Variants in ENPP2 observed in about 807,000 individuals in gnomAD.
The protein encoded by ENPP2 is autotaxin.
ENPP2 carries 51 observed loss-of-function variants against 120.2 expected under a neutral mutation model. The ratio of observed to expected loss-of-function variants is 0.42; its 90% CI spans 0.34 to 0.54. ENPP2 has a LOEUF of 0.54. Among genes scored for constraint, ENPP2 ranks in the 20% least tolerant of loss-of-function variants. ENPP2 has a pLI of 0.04. For missense variants in ENPP2, 920 were observed against 1,066.5 expected (o/e 0.86, Z 1.91); for synonymous variants, 365 against 366.4 (o/e 1.00, Z 0.04).
chr8:119,572,105 C>T (rs1815046878), intron 19 of ENPP2: 5 of 849,182 alleles, frequency 5.9e-6, no homozygotes, highest in Non-Finnish European at 9.5e-6. Flanking sequence ...AATAAAACAC[C>T]AGCAAATCGT....
At chr8:119,599,812 C>G (rs368443924) in intron 11 of ENPP2, among the ~76,000 whole-genome samples, 1 of 152,096 alleles carries the variant, frequency 6.6e-6, no homozygotes, top group East Asian at 1.9e-4. Flanking sequence ...TAGAGACCAG[C>G]CTGGCACAAC....
intron 1 of ENPP2, among the ~76,000 whole-genome samples, chr8:119,665,702 C>T (rs1445769813): frequency 6.6e-6 from 1 of 152,114 alleles, no homozygotes; most frequent in Non-Finnish European, 1.5e-5. Context: ...AGTATATACA[C>T]ATATGTAAAA....
Position 119,561,863 on chromosome 8 carries a change from G to A in ENPP2, c.2421+994C>T, listed in dbSNP as rs1404906279. On this transcript the variant is annotated intron_variant, in intron 24 of 24. Coordinates refer to ENST00000075322, the MANE Select transcript of ENPP2 (RefSeq NM_001040092.3). The stretch of plus-strand genomic sequence containing the variant: ...TGTATTAAAAAGTTTTCATGGCTGG[G>A]TGCAGTGGCTCACGCCTGTAATCCC... Among the ~76,000 whole-genome samples the A allele has an allele frequency of 3.3e-5, 5 of 152,132 alleles. No homozygotes were observed. In the South Asian group the frequency reaches 1.0e-3, roughly 32 times the overall value.
intron 19 of ENPP2, among the ~76,000 whole-genome samples, chr8:119,573,542 G>C (rs1489854343): frequency 3.9e-5 from 6 of 152,032 alleles, no homozygotes; most frequent in Non-Finnish European, 7.4e-5. Context: ...GCCAGGCATA[G>C]TGGCTCACGC....
At chr8:119,624,799 CAG>C (rs1463551063) in intron 3 of ENPP2, among the ~76,000 whole-genome samples, 1 of 152,162 alleles carries the variant, frequency 6.6e-6, no homozygotes, top group African/African-American at 2.4e-5. Flanking sequence ...CACACACACA[CAG>C]AGTTATCAAA....
chr8:119,618,366 A>G (rs1054368604), intron 5 of ENPP2: 4 of 471,266 alleles, frequency 8.5e-6, no homozygotes, highest in Non-Finnish European at 1.7e-5. Context: ...TTCCCCACAA[A>G]GAGACCATGG....
chr8:119,576,179 C>T (rs1440679190), intron 19 of ENPP2, among the ~76,000 whole-genome samples: 2 of 152,170 alleles, frequency 1.3e-5, no homozygotes, highest in East Asian at 3.8e-4. Context: ...ACTCTTGTTG[C>T]CCAGGCTGGA....
intron 12 of ENPP2, among the ~76,000 whole-genome samples, chr8:119,592,708 C>T (rs145944365): frequency 6.6e-6 from 1 of 151,650 alleles, no homozygotes; most frequent in African/African-American, 2.4e-5. Context: ...TCAGCTGTGA[C>T]ACATGCTCCA....
chr8:119,613,788 G>A (rs1409086019), intron 8 of ENPP2, among the ~76,000 whole-genome samples: 2 of 151,988 alleles, frequency 1.3e-5, no homozygotes, highest in Non-Finnish European at 2.9e-5. Context: ...GATACAGTGT[G>A]ATGTTTCAAT....
At chr8:119,643,100 G>T (rs371884289), upstream of ENPP2, among the ~76,000 whole-genome samples, 1 of 152,072 alleles carries the variant, frequency 6.6e-6, no homozygotes, top group Admixed American at 6.6e-5. Context: ...TAACTATAGC[G>T]CATACACTAC....
chr8:119,642,546 T>C (rs1179355632), upstream of ENPP2, among the ~76,000 whole-genome samples: 1 of 152,242 alleles, frequency 6.6e-6, no homozygotes, highest in Non-Finnish European at 1.5e-5. Context: ...TGAATTAATG[T>C]ATTTATGCCC....
chr8:119,600,340 T>C (rs1814209652), intron 11 of ENPP2, among the ~76,000 whole-genome samples: 1 of 152,132 alleles, frequency 6.6e-6, no homozygotes, highest in Non-Finnish European at 1.5e-5. Context: ...AAGATTTTTT[T>C]CCATGCCTAG....
intron 1 of ENPP2, among the ~76,000 whole-genome samples, chr8:119,671,132 CAAA>C (rs371191607): frequency 1.7e-4 from 20 of 115,204 alleles, no homozygotes; most frequent in African/African-American, 6.4e-4. Flanking sequence ...ACTAAAAATA[CAAA>C]AAAAAAAAAA....
intron 13 of ENPP2, among the ~76,000 whole-genome samples, chr8:119,589,189 A>G (rs1279206037): frequency 6.6e-6 from 1 of 152,164 alleles, no homozygotes; most frequent in Non-Finnish European, 1.5e-5. Flanking sequence ...TGTAAACACA[A>G]TCTCTTGTTT....
Position 119,621,432 on chromosome 8 carries a change from C to T in ENPP2, c.380G>A (p.Arg127Lys). ...ACHCSEDCLA[R>K]GDCCTNYQVV... ...TTGGTAATTGGTACAGCAGTCTCCC[C>T]TGGCCAAGCAGTCCTCTGAGCAGTG... Residue 127 changes from arginine to lysine, a missense_variant, in exon 4 of 25, where the codon AGG becomes AAG. Coordinates refer to ENST00000075322, the MANE Select transcript of ENPP2 (RefSeq NM_001040092.3). 1 of 1,613,600 alleles carries T rather than the reference C, an allele frequency of 6.2e-7. No homozygotes were observed. Among genetic ancestry groups the T allele is most frequent in the Non-Finnish European group, 8.5e-7 (1 of 1,179,644 alleles).
intron 12 of ENPP2, chr8:119,593,073 T>G: frequency 3.1e-6 from 1 of 327,486 alleles, no homozygotes; most frequent in Non-Finnish European, 4.4e-6. Context: ...TGCATGTCTC[T>G]GAGCCCCCAC....
At chr8:119,617,064 G>T in intron 7 of ENPP2, 100 bp downstream of exon 7, 1 of 755,660 alleles carries the variant, frequency 1.3e-6, no homozygotes, top group Admixed American at 2.3e-5. Flanking sequence ...GATTTTCTTT[G>T]AACACTAAGG....
At chr8:119,631,740 A>G (rs534166403) in intron 2 of ENPP2, among the ~76,000 whole-genome samples, 3 of 152,214 alleles carry the variant, frequency 2.0e-5, no homozygotes, top group East Asian at 1.9e-4. Context: ...TCTAGTCCCA[A>G]CTGTTTTCCT....
intron 13 of ENPP2, among the ~76,000 whole-genome samples, chr8:119,588,982 C>T (rs1464818444): frequency 1.3e-5 from 2 of 152,160 alleles, no homozygotes; most frequent in Admixed American, 6.5e-5. Flanking sequence ...AGTTCCCTCA[C>T]CCCTCTCTGA....
Sources: gnomAD v4.1 joint callset for allele counts (sites outside exome capture counted in the v4.1 genomes callset) on GRCh38, gnomAD v4.1.1 for gene constraint, MANE v1.5 for transcripts, NCBI Gene and HGNC (gene_info 2026-07-23, HGNC 2026-07-21) for gene names.